The following TRAF5 variants were observed in gnomAD, a reference collection of about 807,000 sequenced individuals.
TRAF5 encodes TNF receptor associated factor 5, also known as TNF receptor-associated factor 5.
A neutral mutation model predicts 64.5 loss-of-function variants in TRAF5; 48 were observed. The ratio of observed to expected loss-of-function variants is 0.74; its 90% CI spans 0.59 to 0.95. The LOEUF is 0.95. Among genes scored for constraint, TRAF5 ranks in the 40% least tolerant of loss-of-function variants. The pLI is 0.00. For missense variants in TRAF5, 545 were observed against 662.8 expected (o/e 0.82, Z 1.95); for synonymous variants, 206 against 240.5 (o/e 0.86, Z 1.33).
At chr1:211,369,396 T>A (rs1703448709) in intron 8 of TRAF5, 56 bp from the exon 9 acceptor site, 1 of 1,380,978 alleles carries the variant, frequency 7.2e-7, no homozygotes, top group African/African-American at 1.5e-5. Context: ...ATATTTTAAC[T>A]ATATGCATGC....
intron 1 of TRAF5, among the ~76,000 whole-genome samples, chr1:211,344,496 C>T (rs551677849): frequency 2.6e-5 from 4 of 152,190 alleles, no homozygotes; most frequent in African/African-American, 9.7e-5. Flanking sequence ...GTCTGGTTGT[C>T]GTGGTGTCAC....
chr1:211,371,603 A>G (rs915402634), intron 10 of TRAF5, 133 bp downstream of exon 10: 2 of 981,704 alleles, frequency 2.0e-6, no homozygotes, highest in African/African-American at 1.7e-5. Flanking sequence ...TATTTGTGAA[A>G]GAGAATGGTA....
intron 8 of TRAF5, chr1:211,369,240 G>A (rs1378094673): frequency 2.6e-6 from 1 of 383,852 alleles, no homozygotes; most frequent in Non-Finnish European, 4.6e-6. Flanking sequence ...AGAAAAGGCT[G>A]ATGAGAAATT....
intron 1 of TRAF5, among the ~76,000 whole-genome samples, chr1:211,344,725 A>T (rs753792071): frequency 3.9e-5 from 6 of 152,146 alleles, no homozygotes; most frequent in Non-Finnish European, 8.8e-5. Context: ...AGCCTAACAG[A>T]TAAAGTGCTT....
At chr1:211,335,337 A>G (rs562510726) in intron 1 of TRAF5, among the ~76,000 whole-genome samples, 1 of 152,272 alleles carries the variant, frequency 6.6e-6, no homozygotes, top group African/African-American at 2.4e-5. Flanking sequence ...TGCTGTGTGA[A>G]TTAAGTGGGA....
At chr1:211,369,315 T>TGTAAATATTTTCCTAGAA in intron 8 of TRAF5, 137 bp from the exon 9 acceptor site, 1 of 822,686 alleles carries the variant, frequency 1.2e-6, no homozygotes, top group Non-Finnish European at 1.8e-6. Context: ...GAATCTACCC[T>TGTAAATATTTTCCTAGAA]GTAAATATTT....
chr1:211,369,313 C>A, intron 8 of TRAF5, 139 bp from the exon 9 acceptor site: 1 of 787,078 alleles, frequency 1.3e-6, no homozygotes, highest in Non-Finnish European at 1.9e-6. Flanking sequence ...AGGAATCTAC[C>A]CTGTAAATAT....
chr1:211,355,849 T>G (rs1008047600), intron 3 of TRAF5, among the ~76,000 whole-genome samples: 2 of 152,236 alleles, frequency 1.3e-5, no homozygotes, highest in African/African-American at 4.8e-5. Flanking sequence ...TAGTGTTTTA[T>G]TGGAATGTAG....
Position 211,331,037 on chromosome 1 carries a change from C to G in TRAF5, c.-2+4148C>G, listed in dbSNP as rs376121985. On this transcript the variant is annotated intron_variant, in intron 1 of 10. Transcript: ENST00000261464. ...TTCAGAAGCACCTTAGACATTTGTC[C>G]GAGGCCGCCTCTTTCTCTCTGTTCT... Among the ~76,000 whole-genome samples the G allele has an allele frequency of 2.0e-5, 3 of 152,258 alleles. No individual in the cohort carries two copies. The South Asian group carries it at 6.2e-4, about 32-fold the overall frequency.
At chr1:211,360,907 ATC>A (rs1017695091) in intron 6 of TRAF5, 128 bp downstream of exon 6, 1 of 996,956 alleles carries the variant, frequency 1.0e-6, no homozygotes, top group African/African-American at 1.6e-5. Flanking sequence ...ACCATGACGT[ATC>A]TGTCTTCCCT....
At chr1:211,353,826 G>C (rs530667062) in intron 2 of TRAF5, among the ~76,000 whole-genome samples, 93 of 152,276 alleles carry the variant, frequency 6.1e-4, no homozygotes, top group African/African-American at 2.2e-3. Flanking sequence ...GCACCTAGAA[G>C]GGACCTTGCT....
chr1:211,369,400 T>C (rs1703448946), intron 8 of TRAF5, 52 bp from the exon 9 acceptor site: 2 of 1,450,364 alleles, frequency 1.4e-6, no homozygotes, highest in East Asian at 2.5e-5. Context: ...TTTAACTATA[T>C]GCATGCAGTT....
intron 7 of TRAF5, among the ~76,000 whole-genome samples, chr1:211,361,780 T>C (rs1424385222): frequency 1.4e-5 from 2 of 140,536 alleles, no homozygotes; most frequent in Non-Finnish European, 3.0e-5. Flanking sequence ...CAATGCAACC[T>C]CTGCATCCTG....
chr1:211,330,233 G>A (rs1035186683), intron 1 of TRAF5, among the ~76,000 whole-genome samples: 2 of 152,034 alleles, frequency 1.3e-5, no homozygotes, highest in African/African-American at 4.8e-5. Flanking sequence ...AGTATTAAGT[G>A]ACAGAGCCCA....
At chr1:211,335,287 A>G (rs550346106) in intron 1 of TRAF5, among the ~76,000 whole-genome samples, 15 of 152,276 alleles carry the variant, frequency 9.9e-5, no homozygotes, top group Admixed American at 9.8e-4. Flanking sequence ...TCTGTAAAAT[A>G]TGAAGATGAA....
chr1:211,372,551 T>TTA lies in TRAF5; in HGVS notation c.1524_1525dup (p.Lys509IlefsTer8). The TTA allele has an allele frequency of 6.2e-7, 1 of 1,614,156 alleles. No homozygotes were observed. ...AAACCTGACCCCAATAGCAGCAGCTTTAAAAGACCTGATGGGGAGATGAAC... is the reference window on the plus strand; with the variant it reads ...AAACCTGACCCCAATAGCAGCAGCTTTATAAAAGACCTGATGGGGAGATGAAC... On this transcript the variant is annotated frameshift_variant, in exon 11 of 11. Coordinates refer to ENST00000261464, the MANE Select transcript of TRAF5 (RefSeq NM_001033910.3). LOFTEE classifies it high-confidence loss of function.
intron 1 of TRAF5, among the ~76,000 whole-genome samples, chr1:211,340,243 G>A (rs1003149472): frequency 6.6e-6 from 1 of 152,154 alleles, no homozygotes; most frequent in Non-Finnish European, 1.5e-5. Flanking sequence ...GGGGCCCCTG[G>A]AGCCTCATTC....
intron 6 of TRAF5, 27 bp downstream of exon 6, chr1:211,360,806 A>G (rs770326714): frequency 3.8e-6 from 6 of 1,586,212 alleles, no homozygotes; most frequent in Non-Finnish European, 3.5e-6. Flanking sequence ...CTCTCTGTAG[A>G]TTTTATGGAA....
chr1:211,371,319 T>G lies in TRAF5; in HGVS notation c.948T>G (p.Ile316Met). ...AATGAAAGGTTTTTGCCAGTCACAT[T>G]GACAAGTCAGCTTGGCTAGAAGCTC... Reference protein sequence around the residue: ...LPNIQVFASHIDKSAWLEAQV... With the variant: ...LPNIQVFASHMDKSAWLEAQV... Residue 316 changes from isoleucine (I) to methionine (M), a missense_variant, in exon 10 of 11, where the codon ATT (isoleucine) becomes ATG (methionine). Physicochemically the swap from Ile to Met is conservative, Grantham distance 10. Coordinates refer to ENST00000261464, the MANE Select transcript of TRAF5 (RefSeq NM_001033910.3). The G allele has an allele frequency of 2.5e-6, 4 of 1,590,180 alleles. No homozygotes were observed. The highest frequency in any genetic ancestry group is 3.4e-6 in the Non-Finnish European group (4 of 1,174,314).
Sources: gnomAD v4.1 joint callset for allele counts (sites outside exome capture counted in the v4.1 genomes callset) on GRCh38, gnomAD v4.1.1 for gene constraint, MANE v1.5 for transcripts, NCBI Gene and HGNC (gene_info 2026-07-23, HGNC 2026-07-21) for gene names.